The following NODAL variants were observed in gnomAD, a reference collection of about 807,000 sequenced individuals.
NODAL encodes the protein nodal growth differentiation factor.
Under a neutral mutation model 34.0 loss-of-function variants are expected in NODAL, and 12 were observed. That is an observed-to-expected ratio of 0.35 (90% confidence interval 0.23 to 0.57). NODAL has a LOEUF of 0.57. Among genes scored for constraint, NODAL ranks in the 20% least tolerant of loss-of-function variants. The pLI, the probability that NODAL is intolerant of heterozygous loss-of-function variation, is 0.83. For synonymous variants in NODAL, 162 were observed against 186.4 expected (o/e 0.87, Z 1.07); for missense variants, 390 against 444.2 (o/e 0.88, Z 1.10).
chr10:70,441,693 G>A, upstream of NODAL: 1 of 1,547,538 alleles, frequency 6.5e-7, no homozygotes, highest in Non-Finnish European at 8.7e-7. Context: ...CCTGAAAGCA[G>A]CACCTCCAGC....
At chr10:70,446,770 G>C (rs1845491329) in intron 1 of NODAL, among the ~76,000 whole-genome samples, 1 of 152,114 alleles carries the variant, frequency 6.6e-6, no homozygotes, top group African/African-American at 2.4e-5. Flanking sequence ...GAGGTACACA[G>C]GAATTAAAGC....
At position 70,435,356 on chromosome 10, in the gene NODAL, T is replaced by C; in HGVS notation, c.821A>G (p.Tyr274Cys). ...ATTAGGACACTCGCCCTCACAGCGA[T>C]AGGCGTTGTACTGCTTGGGGTAGAT... ...WIIYPKQYNA[Y>C]RCEGECPNPV... Residue 274 changes from tyrosine (Y) to cysteine (C), a missense_variant, in exon 2 of 3, where the codon TAT becomes TGT. Coordinates refer to ENST00000287139, the MANE Select transcript of NODAL (RefSeq NM_018055.5). 1.2e-6 allele frequency: 2 copies of C among 1,614,170 alleles called. No homozygotes were observed. Among genetic ancestry groups the C allele is most frequent in the African/African-American group, 1.3e-5 (1 of 75,038 alleles).
At position 70,441,325 on chromosome 10, in the gene NODAL, G is replaced by C. The variant is rs372582059; in HGVS notation, c.193+150C>G. The C allele has an allele frequency of 2.1e-4, 170 of 799,364 alleles. 1 individual carries two copies. The African/African-American group carries it at 2.5e-3, about 12-fold the overall frequency. The allele number at this position is 799,364 out of a possible 1,614,324, so 49.5% of individuals were successfully genotyped here. ...CTGCTGACGCGGAGACACCCGCAGA[G>C]CTAGGCCCTGGGCTCGGGACGCCCG... is the stretch of plus-strand genomic sequence containing the variant. On this transcript the variant is annotated intron_variant, in intron 1 of 2. Transcript: ENST00000287139.
At chr10:70,444,228 C>T (rs538120314), upstream of NODAL, among the ~76,000 whole-genome samples, 7 of 152,130 alleles carry the variant, frequency 4.6e-5, no homozygotes, top group Admixed American at 6.5e-5. Flanking sequence ...CCACTGCGCC[C>T]GGCCAAACTA....
At chr10:70,444,017 C>T (rs1845461822), upstream of NODAL, among the ~76,000 whole-genome samples, 2 of 150,416 alleles carry the variant, frequency 1.3e-5, no homozygotes, top group South Asian at 4.3e-4. Context: ...ACTGCAACCT[C>T]TGCCTCCCCG....
upstream of NODAL, among the ~76,000 whole-genome samples, chr10:70,445,445 A>C (rs1376988894): frequency 6.6e-6 from 1 of 152,056 alleles, no homozygotes; most frequent in Non-Finnish European, 1.5e-5. Context: ...TTTTCAGTAG[A>C]GATGGGGTTT....
chr10:70,435,950 G>A lies in NODAL; in HGVS notation c.227C>T (p.Ala76Val), dbSNP rs780420812. 20 of 1,613,964 alleles carry A rather than the reference G, an allele frequency of 1.2e-5. No individual in the cohort carries two copies. The South Asian group carries it at 2.2e-4, about 18-fold the overall frequency. Residue 76 changes from alanine (A) to valine (V), a missense_variant, in exon 2 of 3, where the codon GCT becomes GTT. Physicochemically the swap from Ala to Val is moderately conservative, Grantham distance 64 (BLOSUM62 0). Coordinates refer to ENST00000287139, the MANE Select transcript of NODAL (RefSeq NM_018055.5). ...VAVDGQNWTF[A>V]FDFSFLSQQE... ...TTGGCTCAGGAAGGAGAAGTCAAAAGCAAACGTCCAGTTCTGCCCATCCAC... is the reference window on the plus strand; with the variant it reads ...TTGGCTCAGGAAGGAGAAGTCAAAAACAAACGTCCAGTTCTGCCCATCCAC...
Position 70,434,266 on chromosome 10 carries a change from T to A in NODAL, c.891+1020A>T, listed in dbSNP as rs1845312845. Among the ~76,000 whole-genome samples the A allele has an allele frequency of 1.3e-5, 2 of 151,914 alleles. 1 individual carries two copies. Among genetic ancestry groups the A allele is most frequent in the South Asian group, 4.2e-4 (2 of 4,810 alleles). ...GGTTATATTTTCTGTTCTCTCCATCTTCTTCTCTTTCCTAACTCACCAGCT... is the reference window on the plus strand; with the variant it reads ...GGTTATATTTTCTGTTCTCTCCATCATCTTCTCTTTCCTAACTCACCAGCT... On this transcript the variant is annotated intron_variant, in intron 2 of 2. Coordinates refer to ENST00000287139, the MANE Select transcript of NODAL (RefSeq NM_018055.5).
intron 2 of NODAL, among the ~76,000 whole-genome samples, chr10:70,433,504 T>A (rs1008287741): frequency 1.3e-5 from 2 of 152,028 alleles, no homozygotes; most frequent in African/African-American, 4.8e-5. Context: ...ATCCTCAACC[T>A]CCTGGGCTCA....
Position 70,432,864 on chromosome 10 carries a change from G to A in NODAL, c.*72C>T, listed in dbSNP as rs898275148. ...TCTGTTTCTCCTTACTGGATTAGATGGTTATCATGTCTTCCAGGAGTTTCC... is the reference window on the plus strand; with the variant it reads ...TCTGTTTCTCCTTACTGGATTAGATAGTTATCATGTCTTCCAGGAGTTTCC... On this transcript the variant is annotated 3_prime_UTR_variant, in exon 3 of 3. Transcript: ENST00000287139. The A allele has an allele frequency of 1.3e-6, 2 of 1,564,278 alleles. No homozygotes were observed. Among genetic ancestry groups the A allele is most frequent in the African/African-American group, 2.7e-5 (2 of 74,014 alleles).
At chr10:70,442,717 C>T (rs1396181965), upstream of NODAL, among the ~76,000 whole-genome samples, 1 of 152,208 alleles carries the variant, frequency 6.6e-6, no homozygotes, top group Non-Finnish European at 1.5e-5. Flanking sequence ...TGAACACTTA[C>T]TAAGCGCCAG....
rs566579125 is a variant in NODAL, at chr10:70,436,773, C to T, written c.194-790G>A. Among the ~76,000 whole-genome samples, 9 of 152,196 alleles carry T rather than the reference C, an allele frequency of 5.9e-5. No homozygotes were observed. The South Asian group carries it at 6.2e-4, about 11-fold the overall frequency. ...CATGTCTACCCACCTACAGGATGCT[C>T]GCCCATTCCTGTCCCAGGTCATTCA... On this transcript the variant is annotated intron_variant, in intron 1 of 2. Coordinates refer to ENST00000287139, the MANE Select transcript of NODAL (RefSeq NM_018055.5).
chr10:70,439,598 A>G (rs1251818832), intron 1 of NODAL, among the ~76,000 whole-genome samples: 2 of 152,212 alleles, frequency 1.3e-5, no homozygotes, highest in Non-Finnish European at 2.9e-5. Flanking sequence ...TGTAAACCCA[A>G]TTGGACTCCA....
At chr10:70,445,845 A>G (rs1845483390), upstream of NODAL, among the ~76,000 whole-genome samples, 2 of 152,132 alleles carry the variant, frequency 1.3e-5, no homozygotes, top group Non-Finnish European at 1.5e-5. Flanking sequence ...AAACTCTCAA[A>G]TAACGTCTTG....
chr10:70,435,276 G>C lies in NODAL; in HGVS notation c.891+10C>G. The C allele has an allele frequency of 6.2e-7, 1 of 1,600,980 alleles. No individual in the cohort carries two copies. The highest frequency in any genetic ancestry group is 8.5e-7 in the Non-Finnish European group (1 of 1,173,186). Reference sequence around the variant, plus strand: ...ACTGCCTCCCCTCCCCCTCACGCCTGGCATCCCACCTGGATGTATGCATGG... The same window carrying C: ...ACTGCCTCCCCTCCCCCTCACGCCTCGCATCCCACCTGGATGTATGCATGG... On this transcript the variant is annotated intron_variant, in intron 2 of 2. Coordinates refer to ENST00000287139, the MANE Select transcript of NODAL (RefSeq NM_018055.5).
At chr10:70,436,755 A>G (rs554357175) in intron 1 of NODAL, among the ~76,000 whole-genome samples, 10 of 152,124 alleles carry the variant, frequency 6.6e-5, no homozygotes, top group African/African-American at 2.2e-4. Flanking sequence ...AGGCATGTCT[A>G]CCCACCTACA....
chr10:70,436,262 A>G, intron 1 of NODAL: 1 of 481,430 alleles, frequency 2.1e-6, no homozygotes. Flanking sequence ...CCAAGCCCAG[A>G]CTCCGAATTA....
At chr10:70,447,532 A>T (rs935073219) in intron 1 of NODAL, among the ~76,000 whole-genome samples, 1 of 152,038 alleles carries the variant, frequency 6.6e-6, no homozygotes, top group Non-Finnish European at 1.5e-5. Context: ...CAAAAAATTT[A>T]AAAATTAGCC....
chr10:70,445,111 C>T (rs1290133830), upstream of NODAL, among the ~76,000 whole-genome samples: 1 of 152,078 alleles, frequency 6.6e-6, no homozygotes, highest in Non-Finnish European at 1.5e-5. Context: ...ACCAAATCAC[C>T]ATGTGGCCTA....
Sources: gnomAD v4.1 joint callset for allele counts (sites outside exome capture counted in the v4.1 genomes callset) on GRCh38, gnomAD v4.1.1 for gene constraint, MANE v1.5 for transcripts, NCBI Gene and HGNC (gene_info 2026-07-23, HGNC 2026-07-21) for gene names.